Variants in PPARGC1A observed in about 807,000 individuals in gnomAD.
The protein encoded by PPARGC1A is peroxisome proliferator-activated receptor gamma coactivator 1-alpha.
Under a neutral mutation model 88.7 loss-of-function variants are expected in PPARGC1A, and 25 were observed. The ratio of observed to expected loss-of-function variants is 0.28; its 90% confidence interval spans 0.21 to 0.39. The LOEUF (loss-of-function observed/expected upper bound fraction) is 0.39. Among genes scored for constraint, PPARGC1A ranks in the 10% least tolerant of loss-of-function variants. The pLI, the probability that PPARGC1A is intolerant of heterozygous loss-of-function variation, is 1.00. For missense variants in PPARGC1A, 880 were observed against 968.7 expected (o/e 0.91, Z 1.22); for synonymous variants, 363 against 355.6 (o/e 1.02, Z -0.24).
At chr4:24,310,838 A>G in the PPARGC1A span, among the ~76,000 whole-genome samples, 1 of 152,310 alleles carries the variant, frequency 6.6e-6, no homozygotes, top group Admixed American at 6.5e-5. Flanking sequence ...GTGACCTAGT[A>G]TTAAGAGAAA....
the PPARGC1A span, among the ~76,000 whole-genome samples, chr4:24,317,554 C>CAAAAAAAAAAAAAAAAAAAAAA: frequency 6.3e-4 from 9 of 14,254 alleles, no homozygotes; most frequent in Non-Finnish European, 1.4e-3. Flanking sequence ...GTTCAGAGGA[C>CAAAAAAAAAAAAAAAAAAAAAA]TAAAAAAAAA....
chr4:24,463,188 T>C, the PPARGC1A span, among the ~76,000 whole-genome samples: 1 of 152,228 alleles, frequency 6.6e-6, no homozygotes, highest in Non-Finnish European at 1.5e-5. Context: ...AATAAAGTGA[T>C]GTTGAACATA....
the PPARGC1A span, among the ~76,000 whole-genome samples, chr4:24,270,325 C>CTGTGTGTGTGTGTGTGTGTGTG: frequency 1.5e-5 from 1 of 67,354 alleles, no homozygotes; most frequent in African/African-American, 5.8e-5. Flanking sequence ...CTCTCTCTCT[C>CTGTGTGTGTGTGTGTGTGTGTG]TCTCTCTCTG....
At chr4:24,168,459 G>A in the PPARGC1A span, among the ~76,000 whole-genome samples, 3 of 152,178 alleles carry the variant, frequency 2.0e-5, no homozygotes, top group Admixed American at 6.5e-5. Flanking sequence ...GTAACAATGA[G>A]CACTCGTAGC....
the PPARGC1A span, among the ~76,000 whole-genome samples, chr4:24,043,396 C>CAA: frequency 2.6e-5 from 4 of 152,146 alleles, no homozygotes; most frequent in African/African-American, 9.7e-5. Flanking sequence ...GCCTGAGACT[C>CAA]AAAACCCTTA....
chr4:23,994,376 T>A, the PPARGC1A span, among the ~76,000 whole-genome samples: 1 of 152,116 alleles, frequency 6.6e-6, no homozygotes, highest in Non-Finnish European at 1.5e-5. Flanking sequence ...GGCTGTTTTG[T>A]TTCCTGGGGT....
At chr4:24,004,293 C>T in the PPARGC1A span, among the ~76,000 whole-genome samples, 9 of 152,090 alleles carry the variant, frequency 5.9e-5, no homozygotes, top group Non-Finnish European at 1.0e-4. Flanking sequence ...AAGAAAAGTC[C>T]AAACATCCTC....
the PPARGC1A span, among the ~76,000 whole-genome samples, chr4:23,965,310 T>G: frequency 3.3e-5 from 5 of 152,186 alleles, no homozygotes; most frequent in Non-Finnish European, 7.3e-5. Context: ...GACCAAAAAT[T>G]TATTGATGGC....
At chr4:24,301,077 CA>C in the PPARGC1A span, among the ~76,000 whole-genome samples, 2 of 151,922 alleles carry the variant, frequency 1.3e-5, no homozygotes, top group African/African-American at 4.8e-5. Context: ...TTGTTTAAGC[CA>C]AAATGTATTT....
the PPARGC1A span, among the ~76,000 whole-genome samples, chr4:24,029,443 A>G: frequency 6.6e-6 from 1 of 152,202 alleles, no homozygotes; most frequent in Non-Finnish European, 1.5e-5. Context: ...GGGATTTATC[A>G]GAAGGTTAAA....
chr4:23,798,307 A>G (rs932544584), intron 12 of PPARGC1A, among the ~76,000 whole-genome samples: 5 of 152,216 alleles, frequency 3.3e-5, no homozygotes, highest in African/African-American at 1.2e-4. Context: ...AAATAATGAT[A>G]CTGTATTATT....
chr4:24,340,059 T>C, the PPARGC1A span, among the ~76,000 whole-genome samples: 1 of 152,168 alleles, frequency 6.6e-6, no homozygotes, highest in Non-Finnish European at 1.5e-5. Context: ...AAATAGAAAT[T>C]TCTTTTTATT....
chr4:23,883,730 T>C (rs1313415228), intron 2 of PPARGC1A: 2 of 152,218 alleles, frequency 1.3e-5, no homozygotes, highest in East Asian at 3.8e-4. Flanking sequence ...AATATATTCA[T>C]CATTCTCTCA....
the PPARGC1A span, among the ~76,000 whole-genome samples, chr4:24,347,144 C>T: frequency 6.6e-6 from 1 of 152,108 alleles, no homozygotes; most frequent in African/African-American, 2.4e-5. Flanking sequence ...GATATAATTT[C>T]AATTTTCTTA....
At chr4:23,920,831 C>T in the PPARGC1A span, among the ~76,000 whole-genome samples, 1 of 152,212 alleles carries the variant, frequency 6.6e-6, no homozygotes, top group Non-Finnish European at 1.5e-5. Context: ...ACTCAGGTTC[C>T]TATTTGGAAG....
At chr4:23,886,056 A>C (rs2148839048) in intron 1 of PPARGC1A, among the ~76,000 whole-genome samples, 1 of 152,244 alleles carries the variant, frequency 6.6e-6, no homozygotes, top group Non-Finnish European at 1.5e-5. Flanking sequence ...CAGACAGTAA[A>C]GAACACTGCA....
chr4:23,830,456 G>A (rs889610672), intron 3 of PPARGC1A, among the ~76,000 whole-genome samples: 8 of 152,136 alleles, frequency 5.3e-5, no homozygotes, highest in Admixed American at 4.6e-4. Flanking sequence ...TGATATCAAT[G>A]GAAAGAAATC....
chr4:24,360,051 A>G, the PPARGC1A span, among the ~76,000 whole-genome samples: 2 of 152,046 alleles, frequency 1.3e-5, no homozygotes, highest in African/African-American at 4.8e-5. Flanking sequence ...TACAGTTCAC[A>G]CTCAGTCCAT....
chr4:24,204,606 CAG>C, the PPARGC1A span, among the ~76,000 whole-genome samples: 1 of 152,056 alleles, frequency 6.6e-6, no homozygotes, highest in African/African-American at 2.4e-5. Flanking sequence ...AAGATGGAAG[CAG>C]AGAGTAAGAA....
Sources: allele counts gnomAD v4.1 joint callset (sites outside exome capture counted in the v4.1 genomes callset), GRCh38; gene constraint gnomAD v4.1.1; transcripts MANE v1.5; gene names NCBI Gene and HGNC (gene_info 2026-07-23, HGNC 2026-07-21).